SEMA6C: variants seen among roughly 807,000 people sequenced by gnomAD.
The protein encoded by SEMA6C is semaphorin 6C, also known as semaphorin-6C.
SEMA6C carries 37 observed loss-of-function variants against 72.9 expected under a neutral mutation model. That is an observed-to-expected ratio of 0.51 (90% CI 0.39 to 0.67). The LOEUF is 0.67. Ranked by LOEUF, SEMA6C falls within the 30% of genes least tolerant of loss-of-function variation. SEMA6C has a pLI of 0.00. For synonymous variants in SEMA6C, 578 were observed against 554.1 expected (o/e 1.04, Z -0.61); for missense variants, 1,189 against 1,263.6 (o/e 0.94, Z 0.89).
At chr1:151,134,938 T>C in intron 15 of SEMA6C, 63 bp from the exon 16 acceptor site, 1 of 1,509,200 alleles carries the variant, frequency 6.6e-7, no homozygotes, top group Middle Eastern at 2.0e-4. Context: ...TCCATTCTGC[T>C]GCCTTTTCCC....
In SEMA6C at chr1:151,131,770, C is replaced by T. The variant is rs1681552916; in HGVS notation, c.*714G>A. 2 of 158,296 alleles carry T rather than the reference C, an allele frequency of 1.3e-5. No homozygotes were observed. Among genetic ancestry groups the T allele is most frequent in the African/African-American group, 4.8e-5 (2 of 41,464 alleles). The allele number at this position is 158,296 out of a possible 1,614,324, so 9.8% of individuals were successfully genotyped here. A position where few individuals can be genotyped will look rare whatever the true frequency, so the allele number is the denominator to read the frequency against. On this transcript the variant is annotated 3_prime_UTR_variant, in exon 19 of 19. Transcript: ENST00000368914. ...TCCCTCCGCCGCCCCATCCCATAGA[C>T]TAGGCCTTTAAGAAAGTCCCTCTTA...
chr1:151,141,658 A>G (rs989626927), intron 3 of SEMA6C, among the ~76,000 whole-genome samples: 22 of 148,632 alleles, frequency 1.5e-4, no homozygotes, highest in Non-Finnish European at 2.8e-4. Context: ...TGATCCGCCT[A>G]CCTTGGCCTC....
intron 17 of SEMA6C, 71 bp from the exon 18 acceptor site, chr1:151,134,516 C>T (rs1184072045): frequency 1.2e-6 from 2 of 1,603,230 alleles, no homozygotes; most frequent in East Asian, 2.2e-5. Flanking sequence ...GGTGACTGTG[C>T]CACAGAAGGA....
At chr1:151,137,315 G>A (rs985650991) in intron 10 of SEMA6C, among the ~76,000 whole-genome samples, 9 of 152,048 alleles carry the variant, frequency 5.9e-5, no homozygotes, top group African/African-American at 2.2e-4. Flanking sequence ...GCATGGTGGT[G>A]GGCACCTGTA....
rs746711896 is a variant in SEMA6C, at chr1:151,135,643, C to A, written c.1381G>T (p.Gly461Trp). 4 of 1,614,066 alleles carry A rather than the reference C, an allele frequency of 2.5e-6. No individual in the cohort carries two copies. In the East Asian group the frequency reaches 8.9e-5, roughly 36 times the overall value. ...TCCAGGAGGATGGGCTCAGGTCCCC[C>A]GGATCGCCCACCTGGGGTCAGCACC... Reference protein sequence around the residue: ...LKVLTPGGRSGGPEPILLEEI... With the variant: ...LKVLTPGGRSWGPEPILLEEI... Residue 461 changes from glycine to tryptophan, a missense_variant, in exon 14 of 19, where the codon GGG (glycine) becomes TGG (tryptophan). By Grantham distance (184) the Gly-to-Trp change is radical. Around this residue, in one of 2 missense-constraint regions of SEMA6C, gnomAD observed 721 missense variants for 686.2 expected, o/e 1.05. Coordinates refer to ENST00000368914, the MANE Select transcript of SEMA6C (RefSeq NM_030913.6).
In SEMA6C at chr1:151,132,522, G is replaced by A. The variant is rs1436981029; in HGVS notation, c.2755C>T (p.Arg919Cys). The A allele has an allele frequency of 1.3e-6, 2 of 1,550,316 alleles. No individual in the cohort carries two copies. Among genetic ancestry groups the A allele is most frequent in the Non-Finnish European group, 8.7e-7 (1 of 1,146,746 alleles). ...CGGCCGCCGTTCGGGACGGCCTGGC[G>A]GGAGGAGGGCCCGACGAGGGGAGGC... ...LKPPLVGPSS[R>C]QAVPNGGRFN... The change falls in exon 19 of 19, where the codon CGC (arginine) becomes TGC (cysteine). Residue 919 changes from arginine to cysteine, a missense_variant. Transcript: ENST00000368914.
chr1:151,136,670 T>A, intron 11 of SEMA6C, 91 bp from the exon 12 acceptor site: 2 of 1,521,528 alleles, frequency 1.3e-6, no homozygotes, highest in Non-Finnish European at 1.8e-6. Context: ...CATACCACAT[T>A]AAGAGATAGA....
Position 151,142,693 on chromosome 1 carries a change from G to C in SEMA6C, c.-54-18C>G, listed in dbSNP as rs1682649035. ...AGCCGGCCCTGAAAGGGGAGACAGG[G>C]AAAAGTGGGGGAGGAGCGAAGTTCC... is the stretch of plus-strand genomic sequence containing the variant. On this transcript the variant is annotated intron_variant, in intron 2 of 18. Coordinates refer to ENST00000368914, the MANE Select transcript of SEMA6C (RefSeq NM_030913.6). 1 of 1,325,822 alleles carries C rather than the reference G, an allele frequency of 7.5e-7. No individual in the cohort carries two copies. The highest frequency in any genetic ancestry group is 1.0e-6 in the Non-Finnish European group (1 of 988,040). The allele number at this position is 1,325,822 out of a possible 1,614,324, so 82.1% of individuals were successfully genotyped here.
At chr1:151,143,902 C>A (rs1327490027) in intron 2 of SEMA6C, among the ~76,000 whole-genome samples, 1 of 152,170 alleles carries the variant, frequency 6.6e-6, no homozygotes, top group African/African-American at 2.4e-5. Flanking sequence ...AGACCCTAAG[C>A]TTCCAGGCCA....
At position 151,135,979 on chromosome 1, in the gene SEMA6C, G is replaced by A. The variant is rs587606131; in HGVS notation, c.1259+32C>T. ...AAAGAGGAGGGTGGCTGAGAACAGG[G>A]AGGCAGTGGTCAGTGTTTTTCAGCC... On this transcript the variant is annotated intron_variant, in intron 13 of 18. Transcript: ENST00000368914. 5.0e-6 allele frequency: 8 copies of A among 1,613,502 alleles called. No individual in the cohort carries two copies. The South Asian group carries it at 5.5e-5, about 11-fold the overall frequency.
In SEMA6C at chr1:151,132,610, G is replaced by A; in HGVS notation, c.2667C>T (p.Pro889=). Reference sequence around the variant, plus strand: ...TCAGGGCGCGGCCCCGGTAGCCCTCGGGCCGGCCCAGGTACAGGAGGTGCT... The same window carrying A: ...TCAGGGCGCGGCCCCGGTAGCCCTCAGGCCGGCCCAGGTACAGGAGGTGCT... ...PGKHLLYLGR[P]EGYRGRALKR... The change falls in exon 19 of 19, where the codon CCC becomes CCT. Residue 889 remains proline (P), a synonymous_variant. Coordinates refer to ENST00000368914, the MANE Select transcript of SEMA6C (RefSeq NM_030913.6). 1 of 1,551,264 alleles carries A rather than the reference G, an allele frequency of 6.4e-7. No homozygotes were observed. Among genetic ancestry groups the A allele is most frequent in the Non-Finnish European group, 8.7e-7 (1 of 1,147,236 alleles).
In SEMA6C at chr1:151,132,281, C is replaced by CT; in HGVS notation, c.*202dup. On this transcript the variant is annotated 3_prime_UTR_variant, in exon 19 of 19. Transcript: ENST00000368914. ...GCTGGCTCACTGAGGAGACGGGCTT[C>CT]TCACCTCCCACTCTTCTGTCGAGGA... The CT allele has an allele frequency of 6.5e-7, 1 of 1,532,810 alleles. No homozygotes were observed. The highest frequency in any genetic ancestry group is 8.7e-7 in the Non-Finnish European group (1 of 1,144,710). The allele number at this position is 1,532,810 out of a possible 1,614,324, so 95.0% of individuals were successfully genotyped here.
intron 6 of SEMA6C, among the ~76,000 whole-genome samples, chr1:151,139,163 T>C (rs587659015): frequency 6.0e-5 from 9 of 149,850 alleles, no homozygotes; most frequent in Non-Finnish European, 1.0e-4. Flanking sequence ...AACAGAGCAA[T>C]GTGAGATAAA....
Position 151,133,777 on chromosome 1 carries a change from C to T in SEMA6C, c.1760-260G>A, listed in dbSNP as rs1053381383. On this transcript the variant is annotated intron_variant, in intron 18 of 18. Transcript: ENST00000368914. This position sits in a 1 kb window ranked among gnomAD's most constrained non-coding sequence, Gnocchi z 5.9. The stretch of plus-strand genomic sequence containing the variant: ...CCACTTCTGGCCCCTGTAGCCATGC[C>T]AAGAGCAACTGCCAAAAACTGCTCG... 6.6e-6 allele frequency among the ~76,000 whole-genome samples: 1 copy of T among 152,202 alleles called. No homozygotes were observed. The highest frequency in any genetic ancestry group is 2.4e-5 in the African/African-American group (1 of 41,446).
At chr1:151,142,786 G>A (rs1307461207) in intron 2 of SEMA6C, 111 bp from the exon 3 acceptor site, 1 of 578,568 alleles carries the variant, frequency 1.7e-6, no homozygotes, top group African/African-American at 1.9e-5. Flanking sequence ...TGGGGTGGGG[G>A]AAAAGAACCC....
chr1:151,140,105 G>C lies in SEMA6C; in HGVS notation c.119-15C>G, dbSNP rs1488038457. Reference sequence around the variant, plus strand: ...TGGGGAAGTACCTTGAGGACACAGAGAGATAGGATTCTGAGGATACCACAA... The same window carrying C: ...TGGGGAAGTACCTTGAGGACACAGACAGATAGGATTCTGAGGATACCACAA... On this transcript the variant is annotated splice_polypyrimidine_tract_variant and intron_variant, in intron 3 of 18. Coordinates refer to ENST00000368914, the MANE Select transcript of SEMA6C (RefSeq NM_030913.6). 2 of 1,606,186 alleles carry C rather than the reference G, an allele frequency of 1.2e-6. No homozygotes were observed. Among genetic ancestry groups the C allele is most frequent in the Admixed American group, 3.4e-5 (2 of 59,600 alleles).
rs773730378 is a variant in SEMA6C at position 151,138,682 on chromosome 1, G to A, written c.404C>T (p.Thr135Met). 4.1e-5 allele frequency: 66 copies of A among 1,614,082 alleles called. No homozygotes were observed. The highest frequency in any genetic ancestry group is 2.9e-4 in the East Asian group (13 of 44,900). ...IRVLVPWDSQTLLACGTNSFS... is the reference protein window; with the variant it reads ...IRVLVPWDSQMLLACGTNSFS... ...TGAGTTCGTTCCACAGGCAAGGAGC[G>A]TCTGGGAGTCCCAGGGAACAAGAAC... Residue 135 changes from threonine (T) to methionine (M), a missense_variant, in exon 7 of 19, where the codon ACG becomes ATG. Physicochemically the swap from Thr to Met is moderately conservative, Grantham distance 81. Transcript: ENST00000368914.
Position 151,139,654 on chromosome 1 carries a change from C to A in SEMA6C, c.281G>T (p.Gly94Val). 6.2e-7 allele frequency: 1 copy of A among 1,607,458 alleles called. No individual in the cohort carries two copies. The highest frequency in any genetic ancestry group is 8.5e-7 in the Non-Finnish European group (1 of 1,174,992). Residue 94 changes from glycine to valine, a missense_variant, in exon 5 of 19, where the codon GGG (glycine) becomes GTG (valine). Physicochemically the swap from Gly to Val is moderately radical, Grantham distance 109. This residue lies in a region of SEMA6C where 468 missense variants were observed against 577.4 expected (regional missense o/e 0.81). Transcript: ENST00000368914. Reference sequence around the variant, plus strand: ...GCCCCTCACCTTGTTGGGCACCAGCCCCTCCCCTTCTTCTTCGGCTTGAAG... The same window carrying A: ...GCCCCTCACCTTGTTGGGCACCAGCACCTCCCCTTCTTCTTCGGCTTGAAG... The part of the protein sequence containing the change: ...FDLQAEEEGE[G>V]LVPNKYLTWR...
intron 3 of SEMA6C, among the ~76,000 whole-genome samples, chr1:151,142,078 G>A (rs956034057): frequency 1.4e-5 from 2 of 144,778 alleles, no homozygotes. Context: ...GTCTCGCTCT[G>A]TTGCCCAGGC....
Sources: gnomAD v4.1 joint callset for allele counts (sites outside exome capture counted in the v4.1 genomes callset) on GRCh38, gnomAD v4.1.1 for gene constraint, gnomAD v4.1.1 regional missense constraint, Gnocchi (gnomAD v3.1) non-coding constraint, MANE v1.5 for transcripts, NCBI Gene and HGNC (gene_info 2026-07-23, HGNC 2026-07-21) for gene names.